The following ZBTB40 variants were observed in gnomAD, a reference collection of about 807,000 sequenced individuals.
The protein encoded by ZBTB40 is zinc finger and BTB domain containing 40, also known as zinc finger and BTB domain-containing protein 40.
ZBTB40 carries 60 observed loss-of-function variants against 117.5 expected under a neutral mutation model. That is an observed-to-expected ratio of 0.51 (90% CI 0.41 to 0.63). ZBTB40 has a LOEUF of 0.63. Among genes scored for constraint, ZBTB40 ranks in the 30% least tolerant of loss-of-function variants. The pLI is 0.00. For missense variants in ZBTB40, 1,287 were observed against 1,498.5 expected, an observed-to-expected ratio of 0.86 and a Z score of 2.33; for synonymous variants, 525 against 577.1, an observed-to-expected ratio of 0.91 and a Z score of 1.29.
intron 1 of ZBTB40, among the ~76,000 whole-genome samples, chr1:22,431,291 T>TGAATATATACAATATTGTATATATA (rs1640580726): frequency 1.4e-5 from 2 of 146,002 alleles, no homozygotes; most frequent in African/African-American, 5.0e-5. Flanking sequence ...TTGTATATAT[T>TGAATATATACAATATTGTATATATA]GAATATATTG....
At chr1:22,431,384 G>GTGTGTGTGTATATATA (rs1222294324) in intron 1 of ZBTB40, among the ~76,000 whole-genome samples, 9 of 119,706 alleles carry the variant, frequency 7.5e-5, no homozygotes, top group African/African-American at 3.3e-4. Flanking sequence ...GTGTGTGTGT[G>GTGTGTGTGTATATATA]TATATATATA....
chr1:22,457,075 G>A (rs1376568052), intron 1 of ZBTB40, among the ~76,000 whole-genome samples: 1 of 152,038 alleles, frequency 6.6e-6, no homozygotes, highest in East Asian at 1.9e-4. Context: ...AGTTGAGGCT[G>A]CAGTGAGCTG....
chr1:22,469,447 G>T (rs1038134446), intron 1 of ZBTB40, among the ~76,000 whole-genome samples: 2 of 152,174 alleles, frequency 1.3e-5, no homozygotes, highest in Non-Finnish European at 2.9e-5. Context: ...AGCCTCCTGA[G>T]GAGCTGGGAC....
At position 22,459,819 on chromosome 1, in the gene ZBTB40, C is replaced by T. The variant is rs1007813626; in HGVS notation, c.-70+7815C>T. Among the ~76,000 whole-genome samples, 5 of 152,284 alleles carry T rather than the reference C, an allele frequency of 3.3e-5. No individual in the cohort carries two copies. In the East Asian group the frequency reaches 7.7e-4, roughly 23 times the overall value. On this transcript the variant is annotated intron_variant, in intron 1 of 17. Transcript: ENST00000375647. ...AACTAGCATCTTTACCATATTGACT[C>T]TTCTATCCAAGATTATGGTCTGTCT...
intron 1 of ZBTB40, among the ~76,000 whole-genome samples, chr1:22,435,668 T>C (rs1640660486): frequency 6.6e-6 from 1 of 152,196 alleles, no homozygotes; most frequent in Admixed American, 6.5e-5. Context: ...GAAGCAGATA[T>C]ACTGTGACAA....
Position 22,490,562 on chromosome 1 carries a change from A to G in ZBTB40, c.614A>G (p.Glu205Gly). The stretch of plus-strand genomic sequence containing the variant: ...CAGAGGAATGCAGAAACCCCAGCGG[A>G]GACTCCTACTACAGCTGAAGCTTGT... ...ESQRNAETPA[E>G]TPTTAEACSP... is the part of the protein sequence containing the mutation. Residue 205 changes from glutamate to glycine, a missense_variant, in exon 2 of 18, where the codon GAG (glutamate) becomes GGG (glycine). This residue lies in a region of ZBTB40 where 870 missense variants were observed against 934.4 expected (regional missense o/e 0.93). Coordinates refer to ENST00000375647, the MANE Select transcript of ZBTB40 (RefSeq NM_014870.4). 1 of 1,613,936 alleles carries G rather than the reference A, an allele frequency of 6.2e-7. No homozygotes were observed. Among genetic ancestry groups the G allele is most frequent in the Non-Finnish European group, 8.5e-7 (1 of 1,179,934 alleles).
intron 1 of ZBTB40, among the ~76,000 whole-genome samples, chr1:22,462,985 G>A (rs1641165792): frequency 6.8e-6 from 1 of 148,034 alleles, no homozygotes; most frequent in Admixed American, 6.8e-5. Flanking sequence ...TCCAAAGGTA[G>A]TAACACCTAA....
At chr1:22,486,554 A>G (rs1172745410) in intron 1 of ZBTB40, among the ~76,000 whole-genome samples, 2 of 152,132 alleles carry the variant, frequency 1.3e-5, no homozygotes, top group African/African-American at 4.8e-5. Flanking sequence ...TTAGAGCTCT[A>G]GGAGGTAAAG....
intron 1 of ZBTB40, among the ~76,000 whole-genome samples, chr1:22,489,009 A>G (rs558773147): frequency 6.6e-6 from 1 of 152,362 alleles, no homozygotes; most frequent in East Asian, 1.9e-4. Flanking sequence ...AGCAAAAGTC[A>G]AGGATGACTT....
intron 13 of ZBTB40, among the ~76,000 whole-genome samples, chr1:22,518,218 G>C (rs1639427144): frequency 6.6e-6 from 1 of 152,180 alleles, no homozygotes; most frequent in South Asian, 2.1e-4. Flanking sequence ...TAAGAGCTTG[G>C]AGTCTGGAAT....
At chr1:22,489,733 A>G in intron 1 of ZBTB40, 147 bp from the exon 2 acceptor site, 1 of 618,510 alleles carries the variant, frequency 1.6e-6, no homozygotes, top group East Asian at 2.8e-5. Flanking sequence ...TTACTGATTT[A>G]GTATACCTGG....
chr1:22,488,537 G>A (rs1043092093), intron 1 of ZBTB40, among the ~76,000 whole-genome samples: 2 of 152,136 alleles, frequency 1.3e-5, no homozygotes, highest in Admixed American at 6.5e-5. Context: ...GTCAGAGAAC[G>A]CAGAGCATGC....
chr1:22,476,226 A>G (rs898189400), intron 1 of ZBTB40, among the ~76,000 whole-genome samples: 1 of 152,104 alleles, frequency 6.6e-6, no homozygotes, highest in Non-Finnish European at 1.5e-5. Flanking sequence ...AACTTAGAGG[A>G]TCCTCAAAGT....
At chr1:22,505,388 C>T (rs1208334977) in intron 5 of ZBTB40, among the ~76,000 whole-genome samples, 1 of 152,190 alleles carries the variant, frequency 6.6e-6, no homozygotes, top group Non-Finnish European at 1.5e-5. Context: ...TCAAAATCCT[C>T]TAGCACACCA....
chr1:22,491,646 A>ATTTTT, intron 3 of ZBTB40, 113 bp downstream of exon 3: 5 of 974,410 alleles, frequency 5.1e-6, no homozygotes, highest in Non-Finnish European at 6.0e-6. Flanking sequence ...TGAAACTTTA[A>ATTTTT]TTTTTTTTTT....
intron 6 of ZBTB40, 25 bp from the exon 7 acceptor site, chr1:22,507,976 T>C (rs374040194): frequency 1.7e-5 from 27 of 1,613,392 alleles, no homozygotes; most frequent in Non-Finnish European, 2.1e-5. Context: ...CATCAAACAT[T>C]ATTGTTTTGC....
At chr1:22,502,488 C>T in intron 5 of ZBTB40, 47 bp downstream of exon 5, 1 of 1,612,688 alleles carries the variant, frequency 6.2e-7, no homozygotes, top group Non-Finnish European at 8.5e-7. Context: ...TCATATAGCA[C>T]TTAAAAAAAT....
chr1:22,434,307 CTTG>C (rs532084248), intron 1 of ZBTB40, among the ~76,000 whole-genome samples: 144 of 152,142 alleles, frequency 9.5e-4, no homozygotes, highest in Middle Eastern at 6.8e-3. Context: ...GATTTTTGGT[CTTG>C]TTCTTGTGAA....
chr1:22,474,003 G>A (rs923109587), intron 1 of ZBTB40, among the ~76,000 whole-genome samples: 3 of 152,142 alleles, frequency 2.0e-5, no homozygotes, highest in African/African-American at 4.8e-5. Context: ...TAAGCAAAGT[G>A]TTATTAGCAT....
Sources: allele counts gnomAD v4.1 joint callset (sites outside exome capture counted in the v4.1 genomes callset), GRCh38; gene constraint gnomAD v4.1.1; regional missense constraint gnomAD v4.1.1; transcripts MANE v1.5; gene names NCBI Gene and HGNC (gene_info 2026-07-23, HGNC 2026-07-21).